PCDH15: variants seen among roughly 807,000 people sequenced by gnomAD.
PCDH15 encodes the protein protocadherin-15.
PCDH15 carries 129 observed loss-of-function variants against 178.5 expected under a neutral mutation model. The ratio of observed to expected loss-of-function variants is 0.72; its 90% CI spans 0.63 to 0.84. The LOEUF (loss-of-function observed/expected upper bound fraction) is 0.84. Ranked by LOEUF, PCDH15 falls within the 40% of genes least tolerant of loss-of-function variation. The pLI is 0.00. For missense variants in PCDH15, 2,230 were observed against 2,099.9 expected (o/e 1.06, Z -1.21); for synonymous variants, 800 against 732.0 (o/e 1.09, Z -1.50).
intron 2 of PCDH15, among the ~76,000 whole-genome samples, chr10:55,083,657 G>A (rs1345060556): frequency 6.6e-6 from 1 of 151,736 alleles, no homozygotes; most frequent in African/African-American, 2.4e-5. Flanking sequence ...TCTTATAAGT[G>A]GGAAAAACCT....
At chr10:54,665,350 T>C (rs972096914) in intron 1 of PCDH15, among the ~76,000 whole-genome samples, 1 of 151,998 alleles carries the variant, frequency 6.6e-6, no homozygotes, top group Non-Finnish European at 1.5e-5. Context: ...TCCAAGTGTT[T>C]ACATGATTGT....
At chr10:54,254,151 A>T (rs1363644145) in intron 8 of PCDH15, among the ~76,000 whole-genome samples, 1 of 152,170 alleles carries the variant, frequency 6.6e-6, no homozygotes, top group East Asian at 1.9e-4. Flanking sequence ...GGTATTTAAA[A>T]TTGAATAAAG....
At position 53,828,562 on chromosome 10, in the gene PCDH15, T is replaced by C. The variant is rs763966153; in HGVS notation, c.4211+3A>G. ...GGATGTGTAAAATGTTAATTATACT[T>C]ACACTTTAAACCTGTTTGGGAAAGC... On this transcript the variant is annotated splice_donor_region_variant and intron_variant, in intron 31 of 37. Transcript: ENST00000644397. 3.9e-6 allele frequency: 6 copies of C among 1,553,692 alleles called. No homozygotes were observed. In the East Asian group the frequency reaches 1.4e-4, roughly 35 times the overall value.
chr10:54,066,923 T>C, intron 17 of PCDH15, 38 bp from the exon 18 acceptor site: 1 of 1,603,192 alleles, frequency 6.2e-7, no homozygotes, highest in Non-Finnish European at 8.5e-7. Flanking sequence ...TGAGAGGAGC[T>C]ATTTTTACTT....
At chr10:54,992,584 C>T (rs908924678) in intron 2 of PCDH15, among the ~76,000 whole-genome samples, 3 of 151,814 alleles carry the variant, frequency 2.0e-5, no homozygotes, top group South Asian at 2.1e-4. Flanking sequence ...AACCCTGTCT[C>T]TACTAAAAAT....
At chr10:55,544,318 T>A (rs1841833030) in intron 2 of PCDH15, among the ~76,000 whole-genome samples, 1 of 151,444 alleles carries the variant, frequency 6.6e-6, no homozygotes, top group Admixed American at 6.6e-5. Flanking sequence ...CAGGTAATTT[T>A]GACTTTTCTG....
rs146954797 is a variant in PCDH15, at chr10:54,042,551, TAAC to T, written c.2221-19357_2221-19355del. Among the ~76,000 whole-genome samples the T allele has an allele frequency of 4.6e-3, 704 of 152,020 alleles. 7 individuals are homozygous for T. Among genetic ancestry groups the T allele is most frequent in the Middle Eastern group, 0.02 (6 of 294 alleles). ...AGAGAAAGAGTGCTCCAGGCAGAGGTAACAACAAGTACAAAATCCATTTGAAGG... is the reference window on the plus strand; with the variant it reads ...AGAGAAAGAGTGCTCCAGGCAGAGGTAACAAGTACAAAATCCATTTGAAGG... On this transcript the variant is annotated intron_variant, in intron 18 of 37. Coordinates refer to ENST00000644397, the MANE Select transcript of PCDH15 (RefSeq NM_001384140.1).
At chr10:55,449,852 T>G (rs1265188938) in intron 2 of PCDH15, among the ~76,000 whole-genome samples, 1 of 152,092 alleles carries the variant, frequency 6.6e-6, no homozygotes, top group African/African-American at 2.4e-5. Context: ...AAGTGTTCAG[T>G]TGTGCCAGAA....
rs143374986 is a variant in PCDH15 at position 54,756,089 on chromosome 10, A to ACACACACACTCT, written c.-29+44835_-29+44836insAGAGTGTGTGTG. On this transcript the variant is annotated intron_variant, in intron 1 of 37. Transcript: ENST00000644397. ...CACACACACACACACACACACACACACACACACAAAATTAGCTGGGCATGG... is the reference window on the plus strand; with the variant it reads ...CACACACACACACACACACACACACACACACACACTCTCACACACAAAATTAGCTGGGCATGG... Among the ~76,000 whole-genome samples the ACACACACACTCT allele has an allele frequency of 2.7e-5, 4 of 148,338 alleles. No individual in the cohort carries two copies. The East Asian group carries it at 6.2e-4, about 23-fold the overall frequency.
intron 2 of PCDH15, among the ~76,000 whole-genome samples, chr10:55,572,647 A>G (rs1380059417): frequency 6.6e-6 from 1 of 152,016 alleles, no homozygotes; most frequent in African/African-American, 2.4e-5. Flanking sequence ...TTTGGTTGTG[A>G]TGAAATATAA....
intron 3 of PCDH15, among the ~76,000 whole-genome samples, chr10:54,850,671 T>G (rs1383890679): frequency 6.6e-6 from 1 of 152,090 alleles, no homozygotes; most frequent in African/African-American, 2.4e-5. Context: ...AATATAAAAT[T>G]GAAGAGAAAG....
rs1395577084 is a variant in PCDH15 at position 54,757,408 on chromosome 10, G to A, written c.-29+43517C>T. ...CGCCATTCTCCTGCCTCAGCCTCCC[G>A]AGTAGCTGGGACTACAGGCGCGCGC... On this transcript the variant is annotated intron_variant, in intron 1 of 37. Transcript: ENST00000644397. Among the ~76,000 whole-genome samples, 17 of 80,006 alleles carry A rather than the reference G, an allele frequency of 2.1e-4. 4 individuals are homozygous for A. In the South Asian group the frequency reaches 5.0e-3, roughly 24 times the overall value. The allele number at this position is 80,006 out of a possible 152,430, so 52.5% of individuals were successfully genotyped here.
intron 1 of PCDH15, among the ~76,000 whole-genome samples, chr10:54,716,465 A>T (rs2095480962): frequency 1.3e-5 from 2 of 152,080 alleles, no homozygotes; most frequent in African/African-American, 4.8e-5. Flanking sequence ...CTCCTTGAAG[A>T]GGTCCTTCGC....
At chr10:54,063,528 C>A (rs146462947) in intron 18 of PCDH15, among the ~76,000 whole-genome samples, 64 of 152,290 alleles carry the variant, frequency 4.2e-4, no homozygotes, top group African/African-American at 1.5e-3. Context: ...CTTTGGCCAA[C>A]TTCCACCTCC....
intron 8 of PCDH15, among the ~76,000 whole-genome samples, chr10:54,259,666 AG>A (rs2057172919): frequency 6.6e-6 from 1 of 152,186 alleles, no homozygotes; most frequent in South Asian, 2.1e-4. Context: ...AGCAAAAACT[AG>A]GGCATTACTA....
At chr10:54,709,764 C>T (rs72794533) in intron 1 of PCDH15, among the ~76,000 whole-genome samples, 17,910 of 147,700 alleles carry the variant, frequency 0.12, 1,216 homozygotes, top group African/African-American at 0.17. Context: ...CAGGACATAT[C>T]TTAATATGTA....
At chr10:54,516,307 T>C (rs963055875) in intron 3 of PCDH15, among the ~76,000 whole-genome samples, 2 of 76,518 alleles carry the variant, frequency 2.6e-5, no homozygotes, top group African/African-American at 7.1e-5. Context: ...TTAAAAACTT[T>C]GAAAAAAAAA....
At chr10:54,756,089 A>ACACACACACACACT (rs143374986) in intron 1 of PCDH15, among the ~76,000 whole-genome samples, 5,573 of 148,192 alleles carry the variant, frequency 0.038, 240 homozygotes, top group East Asian at 0.23. Flanking sequence ...ACACACACAC[A>ACACACACACACACT]CACACACAAA....
intron 2 of PCDH15, among the ~76,000 whole-genome samples, chr10:55,004,617 C>T (rs1839879035): frequency 6.6e-6 from 1 of 152,124 alleles, no homozygotes; most frequent in South Asian, 2.1e-4. Context: ...TTTCTGTTTT[C>T]CTGCACTTGG....
Sources: allele counts gnomAD v4.1 joint callset (sites outside exome capture counted in the v4.1 genomes callset), GRCh38; gene constraint gnomAD v4.1.1; transcripts MANE v1.5; gene names NCBI Gene and HGNC (gene_info 2026-07-23, HGNC 2026-07-21).